ATXN10: variants seen among roughly 807,000 people sequenced by gnomAD.
The protein encoded by ATXN10 is ataxin-10.
In ATXN10, 28 loss-of-function variants were observed where a neutral mutation model predicts 52.9. That is an observed-to-expected ratio of 0.53 (90% CI 0.39 to 0.73). ATXN10 has a LOEUF of 0.73. Among genes scored for constraint, ATXN10 ranks in the 30% least tolerant of loss-of-function variants. ATXN10 has a pLI of 0.00. For missense variants in ATXN10, 565 were observed against 577.0 expected, an observed-to-expected ratio of 0.98 and a Z score of 0.21; for synonymous variants, 226 against 221.5, an observed-to-expected ratio of 1.02 and a Z score of -0.18.
rs1413054675 is a variant in ATXN10, at chr22:45,780,713, G to A, written c.1174-26246G>A. On this transcript the variant is annotated intron_variant, in intron 9 of 11. Coordinates refer to ENST00000252934, the MANE Select transcript of ATXN10 (RefSeq NM_013236.4). The surrounding 1 kb of genome is among the most constrained non-coding windows in gnomAD (Gnocchi z 4.0). The stretch of plus-strand genomic sequence containing the variant: ...CCTAATCTTCTGAAATTTAAACCTG[G>A]ATCAGTGACTTGTGTCTTCATTTGC... 6.6e-6 allele frequency among the ~76,000 whole-genome samples: 1 copy of A among 152,168 alleles called. No homozygotes were observed. The highest frequency in any genetic ancestry group is 1.5e-5 in the Non-Finnish European group (1 of 68,026).
intron 3 of ATXN10, among the ~76,000 whole-genome samples, chr22:45,693,854 C>G (rs1490117541): frequency 6.6e-6 from 1 of 152,186 alleles, no homozygotes; most frequent in Non-Finnish European, 1.5e-5. Context: ...AGCGAGACCT[C>G]AGAAGAAATC....
At chr22:45,809,435 A>T (rs1296969088) in intron 10 of ATXN10, among the ~76,000 whole-genome samples, 1 of 152,020 alleles carries the variant, frequency 6.6e-6, no homozygotes, top group African/African-American at 2.4e-5. Context: ...CACTTTTTAC[A>T]CTTTTTAATT....
chr22:45,820,319 C>G lies in ATXN10; in HGVS notation c.1237+13297C>G, dbSNP rs1054162487. Among the ~76,000 whole-genome samples, 15 of 152,180 alleles carry G rather than the reference C, an allele frequency of 9.9e-5. No homozygotes were observed. Among genetic ancestry groups the G allele is most frequent in the Admixed American group, 2.6e-4 (4 of 15,282 alleles). ...TCTGATCACCGTCTAGTTGGAGAAA[C>G]AGGCCATTGTGATAATACAGGACAG... On this transcript the variant is annotated intron_variant, in intron 10 of 11. Coordinates refer to ENST00000252934, the MANE Select transcript of ATXN10 (RefSeq NM_013236.4). The surrounding 1 kb of genome is among the most constrained non-coding windows in gnomAD (Gnocchi z 4.9).
At chr22:45,788,248 G>A (rs943458044) in intron 9 of ATXN10, among the ~76,000 whole-genome samples, 4 of 152,022 alleles carry the variant, frequency 2.6e-5, no homozygotes, top group African/African-American at 9.7e-5. Context: ...TGTTTACTTA[G>A]GTGTCTCGTC....
Position 45,820,144 on chromosome 22 carries a change from G to C in ATXN10, c.1237+13122G>C, listed in dbSNP as rs1336108914. On this transcript the variant is annotated intron_variant, in intron 10 of 11. Coordinates refer to ENST00000252934, the MANE Select transcript of ATXN10 (RefSeq NM_013236.4). The surrounding 1 kb of genome is among the most constrained non-coding windows in gnomAD (Gnocchi z 4.9). ...TATTCTAGGACCAATACATTAAAAA[G>C]CAAAAACGTATTGGGCCTGTTGGAT... Among the ~76,000 whole-genome samples, 1 of 152,184 alleles carries C rather than the reference G, an allele frequency of 6.6e-6. No homozygotes were observed. Among genetic ancestry groups the C allele is most frequent in the Non-Finnish European group, 1.5e-5 (1 of 68,034 alleles).
rs117776763 is a variant in ATXN10 at position 45,754,192 on chromosome 22, G to C, written c.1173+13654G>C. Among the ~76,000 whole-genome samples, 2 of 152,380 alleles carry C rather than the reference G, an allele frequency of 1.3e-5. No individual in the cohort carries two copies. Among genetic ancestry groups the C allele is most frequent in the East Asian group, 1.9e-4 (1 of 5,182 alleles). On this transcript the variant is annotated intron_variant, in intron 9 of 11. Coordinates refer to ENST00000252934, the MANE Select transcript of ATXN10 (RefSeq NM_013236.4). The surrounding 1 kb of genome is among the most constrained non-coding windows in gnomAD (Gnocchi z 5.4). ...CGACCCACGGAGGTGGGCTCCAGCA[G>C]CTTGGCACGTGTACCTTCGTGGTGC...
Position 45,700,458 on chromosome 22 carries a change from C to T in ATXN10, c.488+80C>T, listed in dbSNP as rs1437850708. The T allele has an allele frequency of 3.4e-6, 4 of 1,164,018 alleles. No individual in the cohort carries two copies. The African/African-American group carries it at 6.1e-5, about 18-fold the overall frequency. 72.1% of individuals were successfully genotyped at this position (1,164,018 alleles called of 1,614,324 possible). On this transcript the variant is annotated intron_variant, in intron 4 of 11. Coordinates refer to ENST00000252934, the MANE Select transcript of ATXN10 (RefSeq NM_013236.4). Reference sequence around the variant, plus strand: ...TTCCATTTTATATAAAGTTCGAAAACAGGAAAAAGTAACCCACTGTAATAG... The same window carrying T: ...TTCCATTTTATATAAAGTTCGAAAATAGGAAAAAGTAACCCACTGTAATAG...
At chr22:45,806,918 A>G (rs772618207) in intron 9 of ATXN10, 41 bp from the exon 10 acceptor site, 6 of 1,454,688 alleles carry the variant, frequency 4.1e-6, no homozygotes, top group Admixed American at 1.7e-5. Flanking sequence ...GACTATAGCC[A>G]TGCTGTTTTC....
rs1270696231 is a variant in ATXN10 at position 45,766,020 on chromosome 22, AG to A, written c.1173+25486del. ...AAAACAACCTGGCATTGGCACGTGA[AG>A]GGGCTGACAGGCTAATGGGGCACAG... is the stretch of plus-strand genomic sequence containing the variant. On this transcript the variant is annotated intron_variant, in intron 9 of 11. Transcript: ENST00000252934. This position sits in a 1 kb window ranked among gnomAD's most constrained non-coding sequence, Gnocchi z 4.6. Among the ~76,000 whole-genome samples, 4 of 152,238 alleles carry A rather than the reference AG, an allele frequency of 2.6e-5. No homozygotes were observed. The highest frequency in any genetic ancestry group is 9.6e-5 in the African/African-American group (4 of 41,462).
At chr22:45,836,619 G>C (rs567137657) in intron 10 of ATXN10, among the ~76,000 whole-genome samples, 1 of 152,326 alleles carries the variant, frequency 6.6e-6, no homozygotes, top group African/African-American at 2.4e-5. Flanking sequence ...TCCCCCCTGG[G>C]GATGCACTGG....
At chr22:45,716,325 CTT>C (rs1157868947) in intron 5 of ATXN10, among the ~76,000 whole-genome samples, 29 of 133,220 alleles carry the variant, frequency 2.2e-4, no homozygotes, top group Admixed American at 4.5e-4. Flanking sequence ...TGAGTGCTTC[CTT>C]TTTTTTTTTT....
intron 9 of ATXN10, among the ~76,000 whole-genome samples, chr22:45,765,977 A>C (rs766479774): frequency 6.6e-6 from 1 of 152,228 alleles, no homozygotes; most frequent in Non-Finnish European, 1.5e-5. Context: ...TAAAAATGTT[A>C]TACAGCTTCC....
At position 45,783,668 on chromosome 22, in the gene ATXN10, G is replaced by A. The variant is rs1222674215; in HGVS notation, c.1174-23291G>A. On this transcript the variant is annotated intron_variant, in intron 9 of 11. Transcript: ENST00000252934. This position sits in a 1 kb window ranked among gnomAD's most constrained non-coding sequence, Gnocchi z 5.0. The stretch of plus-strand genomic sequence containing the variant: ...CACCCACATCCTGACATTGGTAAGA[G>A]CAGTACCTGTTTCTGATTTACCTTT... 6.6e-6 allele frequency among the ~76,000 whole-genome samples: 1 copy of A among 152,176 alleles called. No individual in the cohort carries two copies. Among genetic ancestry groups the A allele is most frequent in the African/African-American group, 2.4e-5 (1 of 41,444 alleles).
intron 1 of ATXN10, among the ~76,000 whole-genome samples, chr22:45,686,557 C>T (rs1336934020): frequency 6.6e-6 from 1 of 152,060 alleles, no homozygotes; most frequent in Non-Finnish European, 1.5e-5. Flanking sequence ...CAGTGGCTCA[C>T]GCATGTAATC....
chr22:45,751,594 G>T (rs1925952119), intron 9 of ATXN10, among the ~76,000 whole-genome samples: 1 of 151,938 alleles, frequency 6.6e-6, no homozygotes, highest in Admixed American at 6.6e-5. Context: ...CTGAGTGCTT[G>T]AATGTTCAGG....
In ATXN10 at chr22:45,677,755, A is replaced by G. The variant is rs566391181; in HGVS notation, c.116+5576A>G. On this transcript the variant is annotated intron_variant, in intron 1 of 11. Coordinates refer to ENST00000252934, the MANE Select transcript of ATXN10 (RefSeq NM_013236.4). The surrounding 1 kb of genome is among the most constrained non-coding windows in gnomAD (Gnocchi z 4.1). ...ATTAGGGAAATGCAGTTAAAACTTC[A>G]GTGAGAGACTACTGCATGCCGTTTA... 1.9e-4 allele frequency: 29 copies of G among 152,348 alleles called. No individual in the cohort carries two copies. The highest frequency in any genetic ancestry group is 7.0e-4 in the African/African-American group (29 of 41,584). The allele number at this position is 152,348 out of a possible 1,614,324, so 9.4% of individuals were successfully genotyped here. A position where few individuals can be genotyped will look rare whatever the true frequency, so the allele number is the denominator to read the frequency against.
At chr22:45,761,057 C>T (rs987609518) in intron 9 of ATXN10, among the ~76,000 whole-genome samples, 1 of 152,118 alleles carries the variant, frequency 6.6e-6, no homozygotes, top group African/African-American at 2.4e-5. Context: ...TTGTTGTTTT[C>T]CTTTTGGGAA....
chr22:45,788,839 A>G (rs1354982924), intron 9 of ATXN10, among the ~76,000 whole-genome samples: 2 of 151,954 alleles, frequency 1.3e-5, no homozygotes, highest in African/African-American at 2.4e-5. Context: ...TGTAGAGATG[A>G]GGTCTCGCCG....
intron 10 of ATXN10, among the ~76,000 whole-genome samples, chr22:45,815,229 A>ATG (rs1312874971): frequency 2.0e-5 from 3 of 152,218 alleles, no homozygotes; most frequent in Non-Finnish European, 4.4e-5. Flanking sequence ...AAGAAGCCAG[A>ATG]TTCAAAAAGA....
Sources: gnomAD v4.1 joint callset for allele counts (sites outside exome capture counted in the v4.1 genomes callset) on GRCh38, gnomAD v4.1.1 for gene constraint, Gnocchi (gnomAD v3.1) non-coding constraint, MANE v1.5 for transcripts, NCBI Gene and HGNC (gene_info 2026-07-23, HGNC 2026-07-21) for gene names.